Variants in TRABD2A observed in about 807,000 individuals in gnomAD.
TRABD2A encodes TraB domain containing 2A, also known as metalloprotease TIKI1.
A neutral mutation model predicts 45.6 loss-of-function variants in TRABD2A; 43 were observed. That is an observed-to-expected ratio of 0.94 (90% CI 0.74 to 1.22). TRABD2A has a LOEUF of 1.22. Ranked by LOEUF, TRABD2A falls within the 50% of genes most tolerant of loss-of-function variation. The pLI is 0.00. For missense variants in TRABD2A, 642 were observed against 652.4 expected, an observed-to-expected ratio of 0.98 and a Z score of 0.17; for synonymous variants, 269 against 265.0, an observed-to-expected ratio of 1.02 and a Z score of -0.15.
chr2:84,844,228 C>A (rs868303596), intron 2 of TRABD2A, among the ~76,000 whole-genome samples: 1 of 152,150 alleles, frequency 6.6e-6, no homozygotes, highest in Non-Finnish European at 1.5e-5. Flanking sequence ...AGAATTCCCA[C>A]GTGTTGTGAG....
intron 2 of TRABD2A, among the ~76,000 whole-genome samples, chr2:84,852,865 G>A (rs1052844363): frequency 1.3e-5 from 2 of 152,126 alleles, no homozygotes; most frequent in Admixed American, 6.5e-5. Context: ...TCTCCCAATG[G>A]GAGAAGTTTC....
At chr2:84,850,246 A>G (rs1207077129) in intron 2 of TRABD2A, among the ~76,000 whole-genome samples, 1 of 152,214 alleles carries the variant, frequency 6.6e-6, no homozygotes, top group East Asian at 1.9e-4. Context: ...GTGGTGGAAT[A>G]TTAGAACTCT....
intron 2 of TRABD2A, among the ~76,000 whole-genome samples, chr2:84,866,746 A>G (rs1682689420): frequency 6.6e-6 from 1 of 151,872 alleles, no homozygotes; most frequent in African/African-American, 2.4e-5. Flanking sequence ...CCCCATTGGA[A>G]AGATGAGAAA....
At chr2:84,868,565 CATTAACTA>C (rs1035970744) in intron 2 of TRABD2A, among the ~76,000 whole-genome samples, 12 of 148,630 alleles carry the variant, frequency 8.1e-5, no homozygotes, top group African/African-American at 3.1e-4. Flanking sequence ...AACTAATTAA[CATTAACTA>C]ATTAACTAAT....
intron 4 of TRABD2A, 86 bp downstream of exon 4, chr2:84,839,063 G>T: frequency 1.4e-6 from 2 of 1,476,280 alleles, no homozygotes; most frequent in Non-Finnish European, 1.9e-6. Context: ...ACTAACACAG[G>T]CCCTAAGCAG....
rs75330405 is a variant in TRABD2A at position 84,842,039 on chromosome 2, C to G, written c.670-32G>C. On this transcript the variant is annotated intron_variant, in intron 2 of 6. Coordinates refer to ENST00000409520, the MANE Select transcript of TRABD2A (RefSeq NM_001277053.2). ...GAAAGGTCTCTTTTAAGTTCACTAA[C>G]AAGGCAACTGTTTGCTGCCATCTTA... is the stretch of plus-strand genomic sequence containing the variant. 955 of 1,452,476 alleles carry G rather than the reference C, an allele frequency of 6.6e-4. 6 individuals are homozygous for G. In the African/African-American group the frequency reaches 8.0e-3, roughly 12 times the overall value. 90.0% of individuals were successfully genotyped at this position (1,452,476 alleles called of 1,614,324 possible).
At chr2:84,866,491 G>GA (rs539933133) in intron 2 of TRABD2A, among the ~76,000 whole-genome samples, 3 of 151,480 alleles carry the variant, frequency 2.0e-5, no homozygotes, top group African/African-American at 4.8e-5. Flanking sequence ...TAACTTCTTT[G>GA]AAAAAAAATC....
chr2:84,875,476 G>A (rs553696854), intron 1 of TRABD2A, among the ~76,000 whole-genome samples: 1 of 152,318 alleles, frequency 6.6e-6, no homozygotes, highest in African/African-American at 2.4e-5. Flanking sequence ...GGGTCGGTGG[G>A]CCTCTGGAAA....
intron 2 of TRABD2A, among the ~76,000 whole-genome samples, chr2:84,857,046 A>C (rs182798093): frequency 1.1e-3 from 166 of 152,258 alleles, no homozygotes; most frequent in African/African-American, 3.5e-3. Context: ...AGGTCACAGC[A>C]AGAAGACACC....
In TRABD2A at chr2:84,821,793, G is replaced by C; in HGVS notation, c.*124C>G. The C allele has an allele frequency of 9.6e-7, 1 of 1,046,596 alleles. No individual in the cohort carries two copies. Among genetic ancestry groups the C allele is most frequent in the Non-Finnish European group, 1.3e-6 (1 of 778,680 alleles). The allele number at this position is 1,046,596 out of a possible 1,614,324, so 64.8% of individuals were successfully genotyped here. On this transcript the variant is annotated 3_prime_UTR_variant, in exon 7 of 7. Transcript: ENST00000409520. ...TTGGAAAGAGAAGAATCAACACTGG[G>C]CCGCTTTTTCAAGAGCAGTCTCTTC...
At chr2:84,857,200 C>T (rs1183490422) in intron 2 of TRABD2A, among the ~76,000 whole-genome samples, 6 of 152,184 alleles carry the variant, frequency 3.9e-5, no homozygotes, top group Non-Finnish European at 7.3e-5. Context: ...ACTTCCTTCC[C>T]CCAAATCCCA....
In TRABD2A at chr2:84,839,236, A is replaced by G. The variant is rs1344927294; in HGVS notation, c.904T>C (p.Tyr302His). 1.7e-5 allele frequency: 27 copies of G among 1,613,868 alleles called. No homozygotes were observed. In the Admixed American group the frequency reaches 4.2e-4, roughly 25 times the overall value. Reference protein sequence around the residue: ...IDSYLRRELIYKRNERIGKRV... With the variant: ...IDSYLRRELIHKRNERIGKRV... ...TTCCCTATTCTCTCATTCCGCTTGT[A>G]GATCAGCTCCCGGCGTAAGTAGCTG... The change falls in exon 4 of 7, where the codon TAC (tyrosine) becomes CAC (histidine). Residue 302 changes from tyrosine to histidine, a missense_variant. Physicochemically the swap from Tyr to His is moderately conservative, Grantham distance 83. Coordinates refer to ENST00000409520, the MANE Select transcript of TRABD2A (RefSeq NM_001277053.2).
In TRABD2A at chr2:84,830,514, G is replaced by A. The variant is rs192196696; in HGVS notation, c.1082+1541C>T. Among the ~76,000 whole-genome samples, 22 of 152,302 alleles carry A rather than the reference G, an allele frequency of 1.4e-4. No homozygotes were observed. Among genetic ancestry groups the A allele is most frequent in the African/African-American group, 4.8e-4 (20 of 41,554 alleles). ...GGAAAGAATAGTCCCACAGAAGGGC[G>A]AAGAGTGAACCAGAGGGAGAAGGGC... On this transcript the variant is annotated intron_variant, in intron 5 of 6. Coordinates refer to ENST00000409520, the MANE Select transcript of TRABD2A (RefSeq NM_001277053.2). This position sits in a 1 kb window ranked among gnomAD's most constrained non-coding sequence, Gnocchi z 4.9.
intron 2 of TRABD2A, among the ~76,000 whole-genome samples, chr2:84,863,597 C>CTT (rs55952015): frequency 0.029 from 2,280 of 78,030 alleles, 132 homozygotes; most frequent in Non-Finnish European, 0.034. Flanking sequence ...TTCAAATTTT[C>CTT]TTTTTTTTTT....
chr2:84,869,601 G>A (rs1682802699), intron 2 of TRABD2A, among the ~76,000 whole-genome samples: 1 of 152,204 alleles, frequency 6.6e-6, no homozygotes. Flanking sequence ...GCCATGCCCT[G>A]TGACAACCAG....
At chr2:84,840,980 G>C (rs1348964204) in intron 3 of TRABD2A, among the ~76,000 whole-genome samples, 3 of 152,082 alleles carry the variant, frequency 2.0e-5, no homozygotes, top group Non-Finnish European at 4.4e-5. Flanking sequence ...GTTCACACAT[G>C]TCTCCTTATG....
At chr2:84,871,038 T>C (rs1682858211) in intron 1 of TRABD2A, among the ~76,000 whole-genome samples, 1 of 152,152 alleles carries the variant, frequency 6.6e-6, no homozygotes, top group South Asian at 2.1e-4. Flanking sequence ...AGCGGAGCTT[T>C]AAAAGAAGCA....
At chr2:84,848,757 A>G (rs529423690) in intron 2 of TRABD2A, among the ~76,000 whole-genome samples, 14 of 151,998 alleles carry the variant, frequency 9.2e-5, no homozygotes, top group Non-Finnish European at 1.9e-4. Flanking sequence ...GTAATTCTGT[A>G]GAGACGGAGT....
At chr2:84,840,472 C>A (rs1681672653) in intron 3 of TRABD2A, among the ~76,000 whole-genome samples, 1 of 152,202 alleles carries the variant, frequency 6.6e-6, no homozygotes. Flanking sequence ...CCACTCCCTG[C>A]TGGCCAGCCT....
Sources: allele counts gnomAD v4.1 joint callset (sites outside exome capture counted in the v4.1 genomes callset), GRCh38; gene constraint gnomAD v4.1.1; non-coding constraint Gnocchi (gnomAD v3.1); transcripts MANE v1.5; gene names NCBI Gene and HGNC (gene_info 2026-07-23, HGNC 2026-07-21).